The following ZNF385D variants were observed in gnomAD, a reference collection of about 807,000 sequenced individuals.
The protein encoded by ZNF385D is zinc finger protein 659.
A neutral mutation model predicts 35.8 loss-of-function variants in ZNF385D; 15 were observed. The ratio of observed to expected loss-of-function variants is 0.42; its 90% CI spans 0.28 to 0.64. ZNF385D has a LOEUF of 0.64. Ranked by LOEUF, ZNF385D falls within the 30% of genes least tolerant of loss-of-function variation. The pLI, the probability that ZNF385D is intolerant of heterozygous loss-of-function variation, is 0.23. For synonymous variants in ZNF385D, 212 were observed against 186.8 expected (o/e 1.13, Z -1.10); for missense variants, 474 against 494.6 (o/e 0.96, Z 0.39).
At chr3:21,905,576 G>A (rs181066395) in intron 3 of ZNF385D, among the ~76,000 whole-genome samples, 333 of 152,008 alleles carry the variant, frequency 2.2e-3, no homozygotes, top group African/African-American at 7.8e-3. Flanking sequence ...GCAAATGATG[G>A]AAGTCCAGAG....
chr3:21,674,262 C>T (rs959084383), intron 1 of ZNF385D, among the ~76,000 whole-genome samples: 2 of 151,964 alleles, frequency 1.3e-5, no homozygotes, highest in East Asian at 1.9e-4. Context: ...TTATGTGGGT[C>T]GCATTACAGA....
intron 2 of ZNF385D, among the ~76,000 whole-genome samples, chr3:21,630,010 A>G (rs2065236801): frequency 1.0e-5 from 1 of 95,776 alleles, no homozygotes; most frequent in African/African-American, 3.3e-5. Context: ...CCCTCTGTAT[A>G]TTTTTCCTCA....
chr3:22,301,225 A>G (rs1011800797), intron 2 of ZNF385D, among the ~76,000 whole-genome samples: 8 of 152,086 alleles, frequency 5.3e-5, no homozygotes, highest in Non-Finnish European at 8.8e-5. Flanking sequence ...TGGAATCTTA[A>G]GAAGTTGGAC....
At chr3:21,963,595 C>T (rs259570) in intron 3 of ZNF385D, among the ~76,000 whole-genome samples, 21,071 of 152,132 alleles carry the variant, frequency 0.14, 3,524 homozygotes, top group African/African-American at 0.4. Context: ...CAAGTTGTTT[C>T]ATACTTTCCT....
At position 22,280,322 on chromosome 3, in the gene ZNF385D, G is replaced by C. The variant is rs374384710; in HGVS notation, c.106+92128C>G. Among the ~76,000 whole-genome samples the C allele has an allele frequency of 4.0e-5, 6 of 149,408 alleles. No homozygotes were observed. In the East Asian group the frequency reaches 5.8e-4, roughly 15 times the overall value. On this transcript the variant is annotated intron_variant, in intron 2 of 5. Coordinates refer to the ZNF385D transcript ENST00000494108. ...ATTTGTTTTGTTGCCTTTGCTTTTG[G>C]GTTCTTGGTCACAAAGTCTTTGCCT...
chr3:21,998,050 A>T (rs571706795), intron 3 of ZNF385D, among the ~76,000 whole-genome samples: 8 of 152,088 alleles, frequency 5.3e-5, no homozygotes, highest in Non-Finnish European at 8.8e-5. Context: ...TTTTATTAAT[A>T]ATATATTTGC....
chr3:21,440,913 A>C (rs1010193598), intron 4 of ZNF385D, among the ~76,000 whole-genome samples: 1 of 152,110 alleles, frequency 6.6e-6, no homozygotes, highest in East Asian at 1.9e-4. Context: ...TAGTGCTCTG[A>C]GATAATAACT....
chr3:21,765,351 C>T (rs1216925035), intron 3 of ZNF385D, among the ~76,000 whole-genome samples: 1 of 152,014 alleles, frequency 6.6e-6, no homozygotes, highest in African/African-American at 2.4e-5. Flanking sequence ...AGAGCAGCTG[C>T]CAAGCCATTC....
Position 21,412,343 on chromosome 3 carries a change from AG to A in ZNF385D, c.*8870del, listed in dbSNP as rs1320817105. 1 of 152,080 alleles carries A rather than the reference AG, an allele frequency of 6.6e-6. No individual in the cohort carries two copies. Among genetic ancestry groups the A allele is most frequent in the Non-Finnish European group, 1.5e-5 (1 of 67,964 alleles). The allele number at this position is 152,080 out of a possible 1,614,324, so 9.4% of individuals were successfully genotyped here. On this transcript the variant is annotated 3_prime_UTR_variant, in exon 8 of 8. Transcript: ENST00000281523. ...GGCACTTGGAACAGTCGTGTTATATAGGTTTACCATAACTCTCAGAACAGGA... is the reference window on the plus strand; with the variant it reads ...GGCACTTGGAACAGTCGTGTTATATAGTTTACCATAACTCTCAGAACAGGA...
chr3:22,278,804 G>A (rs527762718), intron 2 of ZNF385D, among the ~76,000 whole-genome samples: 209 of 152,196 alleles, frequency 1.4e-3, no homozygotes, highest in African/African-American at 4.4e-3. Context: ...CTTCTCTTGG[G>A]CAGGGATCCA....
intron 3 of ZNF385D, among the ~76,000 whole-genome samples, chr3:22,071,336 A>C (rs1197510252): frequency 1.3e-5 from 2 of 152,148 alleles, no homozygotes; most frequent in African/African-American, 4.8e-5. Flanking sequence ...CAACCTATCT[A>C]AACAGTGAAG....
At chr3:22,240,923 C>T (rs901795667) in intron 2 of ZNF385D, among the ~76,000 whole-genome samples, 2 of 150,790 alleles carry the variant, frequency 1.3e-5, no homozygotes, top group Non-Finnish European at 2.9e-5. Context: ...TGATGCATAT[C>T]AAAGTGGAAG....
chr3:22,252,994 G>C (rs1395480084), intron 2 of ZNF385D, among the ~76,000 whole-genome samples: 1 of 152,064 alleles, frequency 6.6e-6, no homozygotes, highest in Non-Finnish European at 1.5e-5. Context: ...CTATTCCCAT[G>C]AAGATGATTG....
chr3:22,122,722 A>G (rs1703158851), intron 3 of ZNF385D, among the ~76,000 whole-genome samples: 1 of 152,230 alleles, frequency 6.6e-6, no homozygotes, highest in Non-Finnish European at 1.5e-5. Flanking sequence ...GAAAGTACCA[A>G]GAAAGGCCTA....
At chr3:21,856,225 T>G (rs193268110) in intron 3 of ZNF385D, among the ~76,000 whole-genome samples, 2 of 152,202 alleles carry the variant, frequency 1.3e-5, no homozygotes, top group Admixed American at 1.3e-4. Context: ...GGTCATTTCT[T>G]CACAGACTTC....
intron 3 of ZNF385D, among the ~76,000 whole-genome samples, chr3:21,796,576 C>A (rs571886861): frequency 2.2e-4 from 33 of 152,218 alleles, no homozygotes; most frequent in Middle Eastern, 3.4e-3. Flanking sequence ...AAGGAATCTA[C>A]ACACAGACCT....
intron 3 of ZNF385D, among the ~76,000 whole-genome samples, chr3:21,804,977 A>G (rs892435387): frequency 6.6e-6 from 1 of 152,226 alleles, no homozygotes; most frequent in African/African-American, 2.4e-5. Flanking sequence ...CCTGGGCAGA[A>G]GCAAGATTGA....
intron 3 of ZNF385D, among the ~76,000 whole-genome samples, chr3:21,903,351 T>G (rs1051663918): frequency 6.6e-6 from 1 of 152,168 alleles, no homozygotes; most frequent in South Asian, 2.1e-4. Flanking sequence ...AAGGCAAGAT[T>G]TGGTGCAATG....
chr3:22,159,278 T>G (rs1576420683), intron 3 of ZNF385D, among the ~76,000 whole-genome samples: 1 of 152,100 alleles, frequency 6.6e-6, no homozygotes, highest in South Asian at 2.1e-4. Flanking sequence ...CTATCTCAAA[T>G]AGATTATATT....
Sources: gnomAD v4.1 joint callset for allele counts (sites outside exome capture counted in the v4.1 genomes callset) on GRCh38, gnomAD v4.1.1 for gene constraint, MANE v1.5 for transcripts, NCBI Gene and HGNC (gene_info 2026-07-23, HGNC 2026-07-21) for gene names.